Variants in BIVM observed in about 807,000 individuals in gnomAD.
BIVM encodes the protein basic immunoglobulin-like variable motif-containing protein.
In BIVM, 31 loss-of-function variants were observed where a neutral mutation model predicts 61.4. The observed-to-expected ratio is 0.51, with a 90% confidence interval of 0.38 to 0.68. The LOEUF is 0.68. Among genes scored for constraint, BIVM ranks in the 30% least tolerant of loss-of-function variants. BIVM has a pLI of 0.00. For synonymous variants in BIVM, 189 were observed against 210.7 expected (o/e 0.90, Z 0.89); for missense variants, 526 against 596.0 (o/e 0.88, Z 1.22).
intron 9 of BIVM, among the ~76,000 whole-genome samples, chr13:102,835,118 C>A (rs1881372780): frequency 6.6e-6 from 1 of 151,992 alleles, no homozygotes; most frequent in Admixed American, 6.6e-5. Flanking sequence ...GTGGCTCATG[C>A]CTGTAATCCC....
intron 9 of BIVM, among the ~76,000 whole-genome samples, chr13:102,837,579 A>T (rs767348824): frequency 8.5e-5 from 13 of 152,230 alleles, no homozygotes; most frequent in Non-Finnish European, 1.9e-4. Context: ...AAAATAAGTC[A>T]TATGAAAAAC....
intron 3 of BIVM, among the ~76,000 whole-genome samples, chr13:102,814,863 G>A (rs1268955846): frequency 6.6e-6 from 1 of 152,156 alleles, no homozygotes; most frequent in East Asian, 1.9e-4. Flanking sequence ...GGGCAACATA[G>A]TGAGACCCTG....
chr13:102,808,031 A>C (rs768652822), intron 3 of BIVM, among the ~76,000 whole-genome samples: 1 of 152,242 alleles, frequency 6.6e-6, no homozygotes, highest in Non-Finnish European at 1.5e-5. Context: ...TAGCTTAGAA[A>C]ATGAAATGTT....
intron 7 of BIVM, among the ~76,000 whole-genome samples, chr13:102,827,427 T>C (rs545439896): frequency 1.4e-5 from 2 of 146,122 alleles, no homozygotes; most frequent in Non-Finnish European, 3.0e-5. Context: ...TAAGTTTTAA[T>C]ATATTTTTCA....
chr13:102,836,943 G>C (rs944111016), intron 9 of BIVM, among the ~76,000 whole-genome samples: 1 of 152,146 alleles, frequency 6.6e-6, no homozygotes, highest in Non-Finnish European at 1.5e-5. Context: ...TTTAGAATTT[G>C]TCCTTTTAAT....
chr13:102,833,682 C>A (rs956141865), intron 8 of BIVM, among the ~76,000 whole-genome samples: 1 of 152,090 alleles, frequency 6.6e-6, no homozygotes, highest in Non-Finnish European at 1.5e-5. Flanking sequence ...AAAGGCCCCT[C>A]GGGTTTGGGG....
At position 102,831,770 on chromosome 13, in the gene BIVM, C is replaced by G. The variant is rs1162942867; in HGVS notation, c.1034+73C>G. On this transcript the variant is annotated intron_variant, in intron 8 of 10. Coordinates refer to ENST00000257336, the MANE Select transcript of BIVM (RefSeq NM_017693.4). ...AATAGATGGGTGCGGTAGCTCACGCCTGTAATCCTAGCACTTTGGGAGGCC... is the reference window on the plus strand; with the variant it reads ...AATAGATGGGTGCGGTAGCTCACGCGTGTAATCCTAGCACTTTGGGAGGCC... 3.2e-6 allele frequency: 5 copies of G among 1,544,696 alleles called. No homozygotes were observed. In the African/African-American group the frequency reaches 6.9e-5, roughly 21 times the overall value.
chr13:102,812,747 C>T (rs946905045), intron 3 of BIVM, among the ~76,000 whole-genome samples: 1 of 152,158 alleles, frequency 6.6e-6, no homozygotes, highest in South Asian at 2.1e-4. Context: ...AAAAAAACCA[C>T]ACCAAAGGTG....
At chr13:102,832,472 G>T (rs1303052776) in intron 8 of BIVM, among the ~76,000 whole-genome samples, 1 of 152,302 alleles carries the variant, frequency 6.6e-6, no homozygotes, top group East Asian at 1.9e-4. Flanking sequence ...AAAGTGCTGG[G>T]ATTACAGGTG....
chr13:102,831,794 C>T, intron 8 of BIVM, 97 bp downstream of exon 8: 1 of 1,382,490 alleles, frequency 7.2e-7, no homozygotes, highest in Non-Finnish European at 9.8e-7. Flanking sequence ...CTTTGGGAGG[C>T]CGAGGTGGGC....
chr13:102,807,429 A>G lies in BIVM; in HGVS notation c.162A>G (p.Pro54=). ...PLGPKGDGHY[P]WSCPVTHTRE... ...GTCCCAAAGGAGATGGTCATTATCC[A>G]TGGAGTTGTCCAGTGACTCATACAC... Residue 54 remains proline, a synonymous_variant, in exon 3 of 11, where the codon CCA becomes CCG. Coordinates refer to ENST00000257336, the MANE Select transcript of BIVM (RefSeq NM_017693.4). This position sits in a 1 kb window ranked among gnomAD's most constrained non-coding sequence, Gnocchi z 4.0. The G allele has an allele frequency of 1.2e-6, 2 of 1,614,206 alleles. No individual in the cohort carries two copies. The highest frequency in any genetic ancestry group is 2.2e-5 in the East Asian group (1 of 44,882).
Position 102,807,782 on chromosome 13 carries a change from A to G in BIVM, c.478+37A>G. 1 of 1,549,672 alleles carries G rather than the reference A, an allele frequency of 6.5e-7. No individual in the cohort carries two copies. Among genetic ancestry groups the G allele is most frequent in the Non-Finnish European group, 8.7e-7 (1 of 1,148,460 alleles). On this transcript the variant is annotated intron_variant, in intron 3 of 10. Transcript: ENST00000257336. The surrounding 1 kb of genome is among the most constrained non-coding windows in gnomAD (Gnocchi z 4.0). ...GCCATGAAGTTCATATGTGAAAATA[A>G]TGAGAAAACAAACACTATGTCTTGT... is the stretch of plus-strand genomic sequence containing the variant.
chr13:102,804,998 A>C (rs1221684134), intron 1 of BIVM, among the ~76,000 whole-genome samples: 1 of 152,126 alleles, frequency 6.6e-6, no homozygotes, highest in East Asian at 1.9e-4. Flanking sequence ...TATTTGTATG[A>C]TGGTTTTGAT....
chr13:102,822,214 CAT>C, intron 7 of BIVM, 55 bp downstream of exon 7: 41 of 1,488,132 alleles, frequency 2.8e-5, no homozygotes, highest in Non-Finnish European at 3.7e-5. Context: ...CACACACACA[CAT>C]ACACACACAC....
intron 7 of BIVM, among the ~76,000 whole-genome samples, chr13:102,825,769 C>T (rs7985512): frequency 0.16 from 24,289 of 152,064 alleles, 2,205 homozygotes; most frequent in East Asian, 0.36. Context: ...TGGACTTCAG[C>T]GTAACAAATG....
At chr13:102,818,351 G>T (rs76052834) in intron 4 of BIVM, among the ~76,000 whole-genome samples, 3 of 152,032 alleles carry the variant, frequency 2.0e-5, no homozygotes, top group African/African-American at 7.2e-5. Flanking sequence ...TAGATATCAG[G>T]CTCAATATTT....
intron 9 of BIVM, among the ~76,000 whole-genome samples, chr13:102,836,824 A>G (rs1388402302): frequency 2.0e-5 from 3 of 152,120 alleles, no homozygotes; most frequent in Non-Finnish European, 4.4e-5. Flanking sequence ...CACACTCTCA[A>G]TTGTTGTTTA....
rs548617692 is a variant in BIVM at position 102,801,624 on chromosome 13, C to T, written c.-207+2103C>T. 2.0e-5 allele frequency: 3 copies of T among 152,224 alleles called. No individual in the cohort carries two copies. In the East Asian group the frequency reaches 5.8e-4, roughly 29 times the overall value. The allele number at this position is 152,224 out of a possible 1,614,324, so 9.4% of individuals were successfully genotyped here. A position where few individuals can be genotyped will look rare whatever the true frequency, so the allele number is the denominator to read the frequency against. On this transcript the variant is annotated intron_variant, in intron 1 of 10. Transcript: ENST00000257336. ...CGCAATCAATCAAAATGAGGGCCTACAGTAATGCCTGGCATGATGCAAACA... is the reference window on the plus strand; with the variant it reads ...CGCAATCAATCAAAATGAGGGCCTATAGTAATGCCTGGCATGATGCAAACA...
chr13:102,803,061 G>T (rs1878844612), intron 1 of BIVM, among the ~76,000 whole-genome samples: 1 of 151,366 alleles, frequency 6.6e-6, no homozygotes, highest in African/African-American at 2.4e-5. Context: ...GGTGGCTTGT[G>T]CCTGTAATGC....
Sources: gnomAD v4.1 joint callset for allele counts (sites outside exome capture counted in the v4.1 genomes callset) on GRCh38, gnomAD v4.1.1 for gene constraint, Gnocchi (gnomAD v3.1) non-coding constraint, MANE v1.5 for transcripts, NCBI Gene and HGNC (gene_info 2026-07-23, HGNC 2026-07-21) for gene names.